Variants in DSCAML1 observed in about 807,000 individuals in gnomAD.
DSCAML1 encodes cell adhesion molecule DSCAML1.
In DSCAML1, 38 loss-of-function variants were observed where a neutral mutation model predicts 200.5. The ratio of observed to expected loss-of-function variants is 0.19; its 90% confidence interval spans 0.15 to 0.25. DSCAML1 has a LOEUF of 0.25. Among genes scored for constraint, DSCAML1 ranks in the 10% least tolerant of loss-of-function variants. The pLI, the probability that DSCAML1 is intolerant of heterozygous loss-of-function variation, is 1.00. For synonymous variants in DSCAML1, 1,215 were observed against 1,165.0 expected (o/e 1.04, Z -0.87); for missense variants, 2,223 against 2,858.8 (o/e 0.78, Z 5.07).
chr11:117,532,200 A>G (rs1303452454), intron 4 of DSCAML1, among the ~76,000 whole-genome samples, 176 bp downstream of exon 4: 1 of 152,064 alleles, frequency 6.6e-6, no homozygotes, highest in African/African-American at 2.4e-5. Context: ...AAATGAAAAC[A>G]TAGCAAAGAG....
intron 3 of DSCAML1, among the ~76,000 whole-genome samples, chr11:117,610,458 C>T (rs950736281): frequency 6.6e-6 from 1 of 152,002 alleles, no homozygotes; most frequent in African/African-American, 2.4e-5. Context: ...GACAAGGGTG[C>T]CTCTTTACAA....
intron 3 of DSCAML1, among the ~76,000 whole-genome samples, chr11:117,624,993 A>G (rs1177334942): frequency 6.6e-6 from 1 of 152,164 alleles, no homozygotes; most frequent in African/African-American, 2.4e-5. Flanking sequence ...CTCCCGCAAC[A>G]TACTGTAATT....
At chr11:117,766,629 C>T (rs2054901955) in intron 3 of DSCAML1, among the ~76,000 whole-genome samples, 1 of 152,196 alleles carries the variant, frequency 6.6e-6, no homozygotes, top group South Asian at 2.1e-4. Flanking sequence ...GCTCTGTGTC[C>T]ACCGCCAGGG....
intron 3 of DSCAML1, among the ~76,000 whole-genome samples, chr11:117,700,317 C>T (rs10892164): frequency 0.26 from 39,203 of 152,132 alleles, 6,427 homozygotes; most frequent in South Asian, 0.44. Flanking sequence ...AAGTCTACTA[C>T]GGGAGTCCAC....
chr11:117,444,264 G>C (rs1297786181), intron 20 of DSCAML1, among the ~76,000 whole-genome samples: 2 of 152,240 alleles, frequency 1.3e-5, no homozygotes, highest in Non-Finnish European at 2.9e-5. Context: ...TGCTGGGTCA[G>C]CCTCAGTTTA....
chr11:117,576,014 A>G (rs1041713630), intron 3 of DSCAML1, among the ~76,000 whole-genome samples: 1 of 152,156 alleles, frequency 6.6e-6, no homozygotes, highest in Non-Finnish European at 1.5e-5. Flanking sequence ...ATAGGATGCC[A>G]GAGCCCGAGT....
chr11:117,808,110 G>A (rs559709586), intron 1 of DSCAML1, among the ~76,000 whole-genome samples: 28 of 152,276 alleles, frequency 1.8e-4, no homozygotes, highest in Non-Finnish European at 2.9e-4. Flanking sequence ...GTGAGCTACC[G>A]CGCCCGGCCT....
At chr11:117,549,790 C>T (rs2050438496) in intron 3 of DSCAML1, among the ~76,000 whole-genome samples, 1 of 152,162 alleles carries the variant, frequency 6.6e-6, no homozygotes. Context: ...GCTCAAATAG[C>T]AGAGGCAATT....
In DSCAML1 at chr11:117,431,631, G is replaced by A. The variant is rs2047797661; in HGVS notation, c.5277C>T (p.Ala1759=). ...TGCGCCAGTCGGAGGTGAGGGTGCG[G>A]GCAGGTGTGGAGGCCTGGCACTTGG... ...TLTKCQASTP[A]RTLTSDWRTV... is the part of the protein sequence containing the mutation. The change falls in exon 31 of 33, where the codon GCC becomes GCT. Residue 1759 remains alanine, a synonymous_variant. Coordinates refer to ENST00000651296, the MANE Select transcript of DSCAML1 (RefSeq NM_020693.4). The A allele has an allele frequency of 1.9e-6, 3 of 1,613,498 alleles. No individual in the cohort carries two copies. Among genetic ancestry groups the A allele is most frequent in the Non-Finnish European group, 2.5e-6 (3 of 1,179,644 alleles).
intron 14 of DSCAML1, among the ~76,000 whole-genome samples, chr11:117,478,730 C>T (rs1157506670): frequency 6.6e-6 from 1 of 152,216 alleles, no homozygotes; most frequent in Non-Finnish European, 1.5e-5. Context: ...AGGCCACTTC[C>T]TGGTGTGCAT....
chr11:117,762,395 T>C (rs1224434751), intron 3 of DSCAML1, among the ~76,000 whole-genome samples: 1 of 152,220 alleles, frequency 6.6e-6, no homozygotes, highest in Non-Finnish European at 1.5e-5. Context: ...GTCCAGAAGC[T>C]GAATAAATTC....
rs747983882 is a variant in DSCAML1, at chr11:117,432,414, T to C, written c.5117A>G (p.His1706Arg). The change falls in exon 30 of 33, where the codon CAC becomes CGC. Residue 1706 changes from histidine to arginine, a missense_variant. Physicochemically the swap from His to Arg is conservative, Grantham distance 29. Around this residue, in one of 7 missense-constraint regions of DSCAML1, gnomAD observed 614 missense variants for 739.1 expected, o/e 0.83. Transcript: ENST00000651296. Reference sequence around the variant, plus strand: ...TCCTGTGCTCTGGATGAGGGTTGGGTGGTGCAAGGAGACGCCAGTACAGAA... The same window carrying C: ...TCCTGTGCTCTGGATGAGGGTTGGGCGGTGCAAGGAGACGCCAGTACAGAA... The part of the protein sequence containing the change: ...QSFCTGVSLH[H>R]PTLIQSTGPL... 6.2e-7 allele frequency: 1 copy of C among 1,613,946 alleles called. No homozygotes were observed. Among genetic ancestry groups the C allele is most frequent in the East Asian group, 2.2e-5 (1 of 44,854 alleles).
chr11:117,606,237 CCT>C (rs1285647637), intron 3 of DSCAML1, among the ~76,000 whole-genome samples: 5 of 152,078 alleles, frequency 3.3e-5, no homozygotes, highest in Non-Finnish European at 7.4e-5. Context: ...ATATTTTCCC[CCT>C]GAGGACCAGA....
chr11:117,667,945 T>A (rs888137533), intron 3 of DSCAML1, among the ~76,000 whole-genome samples: 2 of 152,316 alleles, frequency 1.3e-5, no homozygotes, highest in African/African-American at 4.8e-5. Context: ...CTACTGCTCA[T>A]TAGGTGCCCG....
intron 3 of DSCAML1, among the ~76,000 whole-genome samples, chr11:117,576,259 C>T (rs2050931745): frequency 6.6e-6 from 1 of 152,170 alleles, no homozygotes; most frequent in South Asian, 2.1e-4. Flanking sequence ...CTGGGTTTCA[C>T]TGACTCCATG....
intron 3 of DSCAML1, among the ~76,000 whole-genome samples, chr11:117,693,398 T>C (rs1029929480): frequency 2.0e-5 from 3 of 152,226 alleles, no homozygotes; most frequent in African/African-American, 7.2e-5. Context: ...CCTTCTGCAT[T>C]CTGTGTCATT....
At chr11:117,466,961 A>T (rs1565709165) in intron 16 of DSCAML1, among the ~76,000 whole-genome samples, 1 of 152,218 alleles carries the variant, frequency 6.6e-6, no homozygotes, top group African/African-American at 2.4e-5. Context: ...CGCCAAGGCC[A>T]GGGATTGGGG....
rs144158437 is a variant in DSCAML1, at chr11:117,434,196, C to CCATT, written c.4877-729_4877-726dup. Among the ~76,000 whole-genome samples the CCATT allele has an allele frequency of 7.4e-3, 1,132 of 152,290 alleles. 7 individuals carry two copies. The highest frequency in any genetic ancestry group is 0.026 in the African/African-American group (1,091 of 41,542). ...CCCATCCATTGATCCATCCATCCATCCATTCACTGATCTAGCCATCCATCC... is the reference window on the plus strand; with the variant it reads ...CCCATCCATTGATCCATCCATCCATCCATTCATTCACTGATCTAGCCATCCATCC... On this transcript the variant is annotated intron_variant, in intron 27 of 32. Coordinates refer to ENST00000651296, the MANE Select transcript of DSCAML1 (RefSeq NM_020693.4).
At chr11:117,617,542 A>C (rs1343142705) in intron 3 of DSCAML1, among the ~76,000 whole-genome samples, 14 of 152,184 alleles carry the variant, frequency 9.2e-5, no homozygotes, top group Non-Finnish European at 2.9e-5. Flanking sequence ...AGTTTATAGA[A>C]TAGTCTGCGC....
Sources: allele counts gnomAD v4.1 joint callset (sites outside exome capture counted in the v4.1 genomes callset), GRCh38; gene constraint gnomAD v4.1.1; regional missense constraint gnomAD v4.1.1; transcripts MANE v1.5; gene names NCBI Gene and HGNC (gene_info 2026-07-23, HGNC 2026-07-21).